The following MBD5 variants were observed in gnomAD, a reference collection of about 807,000 sequenced individuals.
The protein encoded by MBD5 is methyl-CpG-binding domain protein 5.
Under a neutral mutation model 117.3 loss-of-function variants are expected in MBD5, and 13 were observed. The observed-to-expected ratio is 0.11, with a 90% confidence interval of 0.07 to 0.18. The LOEUF is 0.18. Among genes scored for constraint, MBD5 ranks in the 10% least tolerant of loss-of-function variants. MBD5 has a pLI of 1.00. For synonymous variants in MBD5, 727 were observed against 766.4 expected (o/e 0.95, Z 0.85); for missense variants, 1,879 against 2,093.8 (o/e 0.90, Z 2.00).
At chr2:148,309,788 G>A (rs889960570) in intron 3 of MBD5, among the ~76,000 whole-genome samples, 1 of 152,168 alleles carries the variant, frequency 6.6e-6, no homozygotes, top group Non-Finnish European at 1.5e-5. Flanking sequence ...GATATTGGCT[G>A]TAGGTTTGTC....
chr2:148,092,399 TAAAG>T (rs1294570490), intron 1 of MBD5, among the ~76,000 whole-genome samples: 1 of 151,978 alleles, frequency 6.6e-6, no homozygotes, highest in Non-Finnish European at 1.5e-5. Flanking sequence ...ATTGCAAAAA[TAAAG>T]AACCAGCCTA....
rs71413615 is a variant in MBD5 at position 148,390,827 on chromosome 2, C to T, written c.-557+48491C>T. Among the ~76,000 whole-genome samples the T allele has an allele frequency of 3.7e-3, 556 of 152,178 alleles. 3 individuals carry two copies. Among genetic ancestry groups the T allele is most frequent in the Non-Finnish European group, 6.1e-3 (418 of 68,010 alleles). On this transcript the variant is annotated intron_variant, in intron 4 of 13. Transcript: ENST00000642680. ...CCTCCCACCTTGGTCTCCCAAAGTG[C>T]TGGGAAATCAGGCGTGAGCCACTGT...
intron 4 of MBD5, among the ~76,000 whole-genome samples, chr2:148,384,502 GGAA>G (rs1261601771): frequency 1.3e-5 from 2 of 152,160 alleles, no homozygotes; most frequent in African/African-American, 4.8e-5. Flanking sequence ...CTCATGGATA[GGAA>G]GAATAAATAT....
chr2:148,089,999 G>GAGA (rs1477744747), intron 1 of MBD5, among the ~76,000 whole-genome samples: 1 of 151,780 alleles, frequency 6.6e-6, no homozygotes, highest in Non-Finnish European at 1.5e-5. Context: ...AACAAAATGG[G>GAGA]AGATACTACA....
At chr2:148,145,372 T>C (rs1044036203) in intron 1 of MBD5, among the ~76,000 whole-genome samples, 2 of 152,232 alleles carry the variant, frequency 1.3e-5, no homozygotes, top group African/African-American at 4.8e-5. Context: ...GTTTTCTAAA[T>C]ATACAATTAT....
At chr2:148,074,495 G>GTT (rs1034437368) in intron 1 of MBD5, among the ~76,000 whole-genome samples, 52 of 109,800 alleles carry the variant, frequency 4.7e-4, no homozygotes, top group East Asian at 1.1e-3. Context: ...TTTTTTTTTT[G>GTT]TTTTTTTTTT....
intron 4 of MBD5, among the ~76,000 whole-genome samples, chr2:148,390,238 G>A (rs922738399): frequency 2.6e-5 from 4 of 151,852 alleles, no homozygotes; most frequent in Non-Finnish European, 5.9e-5. Flanking sequence ...GTAGGTGTGT[G>A]GCTTTACTCT....
At chr2:148,334,850 A>G (rs979116981) in intron 3 of MBD5, among the ~76,000 whole-genome samples, 1 of 152,088 alleles carries the variant, frequency 6.6e-6, no homozygotes, top group African/African-American at 2.4e-5. Flanking sequence ...AGAAAGTGGG[A>G]AATTGTATAT....
At chr2:148,145,662 GTGT>G (rs1471118562) in intron 1 of MBD5, among the ~76,000 whole-genome samples, 2 of 152,118 alleles carry the variant, frequency 1.3e-5, no homozygotes, top group African/African-American at 4.8e-5. Context: ...GCATGAAGGG[GTGT>G]TGAATTTTGT....
intron 3 of MBD5, among the ~76,000 whole-genome samples, chr2:148,248,370 CCAAAAAACAAAACAGAA>C (rs1259974167): frequency 2.6e-5 from 4 of 151,894 alleles, no homozygotes; most frequent in Non-Finnish European, 5.9e-5. Context: ...ATAAGTGATA[CCAAAAAACAAAACAGAA>C]CAAAAAACAA....
chr2:148,420,752 G>A (rs573379272), intron 4 of MBD5, among the ~76,000 whole-genome samples: 1 of 149,406 alleles, frequency 6.7e-6, no homozygotes, highest in East Asian at 1.9e-4. Context: ...TTGTGACAAG[G>A]TCTCACTCTG....
intron 4 of MBD5, among the ~76,000 whole-genome samples, chr2:148,366,459 G>T (rs1219092858): frequency 6.6e-6 from 1 of 152,102 alleles, no homozygotes; most frequent in East Asian, 1.9e-4. Context: ...TCAACATAGT[G>T]TTGGAAGTTC....
intron 3 of MBD5, among the ~76,000 whole-genome samples, chr2:148,308,377 T>G (rs1701944585): frequency 6.6e-6 from 1 of 152,158 alleles, no homozygotes; most frequent in Admixed American, 6.5e-5. Flanking sequence ...TGATTTACAT[T>G]TCTCTAATGA....
intron 1 of MBD5, among the ~76,000 whole-genome samples, chr2:148,092,685 G>A (rs1244635101): frequency 6.6e-6 from 1 of 151,902 alleles, no homozygotes; most frequent in Non-Finnish European, 1.5e-5. Flanking sequence ...GGGGGTGAGG[G>A]ATAAAGACTA....
At chr2:148,021,810 TGAA>T (rs1693748928) in intron 1 of MBD5, 126 bp downstream of exon 1, 1 of 158,666 alleles carries the variant, frequency 6.3e-6, no homozygotes, top group Non-Finnish European at 1.3e-5. Flanking sequence ...CTGGGGGGGG[TGAA>T]GGAGGGGTTG....
intron 4 of MBD5, among the ~76,000 whole-genome samples, chr2:148,352,044 T>C (rs1703263022): frequency 6.6e-6 from 1 of 151,952 alleles, no homozygotes; most frequent in African/African-American, 2.4e-5. Flanking sequence ...ACTTTTGGAG[T>C]CAAACCCTAA....
intron 3 of MBD5, among the ~76,000 whole-genome samples, chr2:148,256,391 G>A (rs1700591563): frequency 6.6e-6 from 1 of 152,184 alleles, no homozygotes; most frequent in Non-Finnish European, 1.5e-5. Context: ...AAGGCATATG[G>A]CCTGACACAT....
At chr2:148,198,692 G>A (rs1368435034) in intron 2 of MBD5, among the ~76,000 whole-genome samples, 4 of 151,866 alleles carry the variant, frequency 2.6e-5, no homozygotes, top group African/African-American at 9.7e-5. Flanking sequence ...GCTTATAAAT[G>A]TTCATATGAT....
intron 1 of MBD5, among the ~76,000 whole-genome samples, chr2:148,080,367 CA>C (rs1558917162): frequency 6.6e-6 from 1 of 151,924 alleles, no homozygotes; most frequent in African/African-American, 2.4e-5. Flanking sequence ...CAAGTAACTT[CA>C]AAAAATGATC....
Sources: allele counts gnomAD v4.1 joint callset (sites outside exome capture counted in the v4.1 genomes callset), GRCh38; gene constraint gnomAD v4.1.1; transcripts MANE v1.5; gene names NCBI Gene and HGNC (gene_info 2026-07-23, HGNC 2026-07-21).